RASAL2: variants seen among roughly 807,000 people sequenced by gnomAD.
RASAL2 encodes the protein ras GTPase-activating protein nGAP.
In RASAL2, 58 loss-of-function variants were observed where a neutral mutation model predicts 128.9. The ratio of observed to expected loss-of-function variants is 0.45; its 90% CI spans 0.36 to 0.56. The LOEUF (loss-of-function observed/expected upper bound fraction) is 0.56, where lower values mean the gene tolerates loss of function less well. RASAL2 is among the 20% of genes least tolerant of loss of function. The probability of loss-of-function intolerance (pLI) is 0.00; values close to 1 mark genes in which losing one functional copy is unlikely to be tolerated. For missense variants in RASAL2, 1,360 were observed against 1,601.6 expected, an observed-to-expected ratio of 0.85 and a Z score of 2.57; for synonymous variants, 561 against 580.8, an observed-to-expected ratio of 0.97 and a Z score of 0.49.
chr1:178,176,475 T>C (rs1661897031), intron 1 of RASAL2, among the ~76,000 whole-genome samples: 1 of 152,128 alleles, frequency 6.6e-6, no homozygotes, highest in Non-Finnish European at 1.5e-5. Flanking sequence ...GATGCATAGC[T>C]TGCAGATGTT....
At chr1:178,117,429 G>A (rs1038052713) in intron 1 of RASAL2, among the ~76,000 whole-genome samples, 1 of 152,178 alleles carries the variant, frequency 6.6e-6, no homozygotes, top group African/African-American at 2.4e-5. Context: ...ATTTATTTAT[G>A]TTTAAAATGT....
At chr1:178,123,715 C>T (rs570217428) in intron 1 of RASAL2, 1 of 152,060 alleles carries the variant, frequency 6.6e-6, no homozygotes, top group East Asian at 1.9e-4. Flanking sequence ...TTTCTGTCAC[C>T]CAGGCGGAAT....
In RASAL2 at chr1:178,265,767, T is replaced by C. The variant is rs182353642; in HGVS notation, c.203-17797T>C. On this transcript the variant is annotated intron_variant, in intron 1 of 17. Coordinates refer to ENST00000367649, the MANE Select transcript of RASAL2 (RefSeq NM_170692.4). Reference sequence around the variant, plus strand: ...TATTACCATCTCAGAAGCCCACTTATGTCCTGTCCCAGACACTTCACCTGC... The same window carrying C: ...TATTACCATCTCAGAAGCCCACTTACGTCCTGTCCCAGACACTTCACCTGC... Among the ~76,000 whole-genome samples, 70 of 152,348 alleles carry C rather than the reference T, an allele frequency of 4.6e-4. No individual in the cohort carries two copies. In the East Asian group the frequency reaches 0.013, roughly 27 times the overall value.
In RASAL2 at chr1:178,420,612, A is replaced by C; in HGVS notation, c.666A>C (p.Thr222=). Residue 222 remains threonine (T), a synonymous_variant, in exon 5 of 18, where the codon ACA becomes ACC. Transcript: ENST00000367649. ...TSFRLPSLRS[T]DDRSRGLPKL... is the part of the protein sequence containing the mutation. ...TTCGGCTTCCATCCCTTCGCAGTAC[A>C]GATGACAGGTAGGAAGTTAACTTTC... The C allele has an allele frequency of 6.2e-7, 1 of 1,601,484 alleles. No individual in the cohort carries two copies. The highest frequency in any genetic ancestry group is 1.1e-5 in the South Asian group (1 of 89,660).
At chr1:178,125,833 G>C (rs1044792273) in intron 1 of RASAL2, among the ~76,000 whole-genome samples, 2 of 152,148 alleles carry the variant, frequency 1.3e-5, no homozygotes, top group African/African-American at 4.8e-5. Context: ...AGATATTCTA[G>C]AATAGCAGAG....
intron 3 of RASAL2, among the ~76,000 whole-genome samples, chr1:178,387,523 C>T (rs1379605551): frequency 1.3e-5 from 2 of 151,940 alleles, no homozygotes; most frequent in African/African-American, 4.8e-5. Flanking sequence ...ATCCTTCCCC[C>T]CTCCCCCTAC....
chr1:178,115,572 G>C (rs936635654), intron 1 of RASAL2, among the ~76,000 whole-genome samples: 2 of 152,222 alleles, frequency 1.3e-5, no homozygotes, highest in Non-Finnish European at 2.9e-5. Flanking sequence ...CAGCATGGCA[G>C]CTTTGAGGAA....
At chr1:178,118,443 G>T (rs1011491000) in intron 1 of RASAL2, among the ~76,000 whole-genome samples, 1 of 152,110 alleles carries the variant, frequency 6.6e-6, no homozygotes, top group African/African-American at 2.4e-5. Context: ...TCTCATCTGG[G>T]GGTGATGGGA....
At chr1:178,389,365 C>A (rs1672762630) in intron 3 of RASAL2, 2 of 567,688 alleles carry the variant, frequency 3.5e-6, no homozygotes, top group Middle Eastern at 9.2e-4. Context: ...TATATATACA[C>A]ATGTATATAT....
chr1:178,447,399 C>T (rs1215478426), intron 9 of RASAL2, among the ~76,000 whole-genome samples: 3 of 151,796 alleles, frequency 2.0e-5, no homozygotes, highest in Admixed American at 6.6e-5. Context: ...GTAGGCTGGG[C>T]GCGGTGGCTC....
At chr1:178,109,162 C>G (rs1659204722) in intron 1 of RASAL2, among the ~76,000 whole-genome samples, 1 of 152,146 alleles carries the variant, frequency 6.6e-6, no homozygotes, top group Non-Finnish European at 1.5e-5. Context: ...ATTAGTAATT[C>G]TAGGAAAGAG....
At chr1:178,336,730 A>G (rs1669604404) in intron 3 of RASAL2, among the ~76,000 whole-genome samples, 1 of 152,108 alleles carries the variant, frequency 6.6e-6, no homozygotes, top group African/African-American at 2.4e-5. Context: ...GAGGAGGTCC[A>G]ATATTACAGG....
intron 3 of RASAL2, among the ~76,000 whole-genome samples, chr1:178,351,049 G>A (rs1245213556): frequency 6.6e-6 from 1 of 152,098 alleles, no homozygotes; most frequent in Non-Finnish European, 1.5e-5. Flanking sequence ...CAGGACTTGG[G>A]TGGGGGAGAT....
chr1:178,399,144 C>T (rs551718782), intron 4 of RASAL2, among the ~76,000 whole-genome samples: 2 of 152,300 alleles, frequency 1.3e-5, no homozygotes, highest in South Asian at 2.1e-4. Flanking sequence ...ATCTGTTGCC[C>T]ACTTCCCCAC....
At chr1:178,188,466 T>G (rs1042505663) in intron 1 of RASAL2, among the ~76,000 whole-genome samples, 1 of 152,146 alleles carries the variant, frequency 6.6e-6, no homozygotes, top group East Asian at 1.9e-4. Flanking sequence ...GTTTCATATA[T>G]TTTGTCTGGT....
chr1:178,250,713 A>C (rs1467931386), intron 1 of RASAL2, among the ~76,000 whole-genome samples: 2 of 151,726 alleles, frequency 1.3e-5, no homozygotes, highest in Non-Finnish European at 2.9e-5. Flanking sequence ...GATCCAGAAA[A>C]CCTTATTTCT....
chr1:178,098,177 C>G lies in RASAL2; in HGVS notation c.202+3483C>G, dbSNP rs181932810. ...TCTTTGTATTCTTATCTTGCCACCC[C>G]CTTCATTGTCAACTTGTCTGCCAGA... On this transcript the variant is annotated intron_variant, in intron 1 of 17. Coordinates refer to ENST00000367649, the MANE Select transcript of RASAL2 (RefSeq NM_170692.4). 2.2e-3 allele frequency among the ~76,000 whole-genome samples: 337 copies of G among 152,262 alleles called. 1 individual carries two copies. Among genetic ancestry groups the G allele is most frequent in the Non-Finnish European group, 3.7e-3 (253 of 68,030 alleles).
At chr1:178,270,848 T>C (rs1430627100) in intron 1 of RASAL2, among the ~76,000 whole-genome samples, 1 of 152,178 alleles carries the variant, frequency 6.6e-6, no homozygotes, top group African/African-American at 2.4e-5. Context: ...AGTTCTTTTC[T>C]CTTGGGATGG....
chr1:178,191,670 T>G (rs1662499236), intron 1 of RASAL2, among the ~76,000 whole-genome samples: 1 of 152,246 alleles, frequency 6.6e-6, no homozygotes, highest in African/African-American at 2.4e-5. Flanking sequence ...CCAAGCTGAC[T>G]TGGGTAATTC....
Sources: gnomAD v4.1 joint callset for allele counts (sites outside exome capture counted in the v4.1 genomes callset) on GRCh38, gnomAD v4.1.1 for gene constraint, MANE v1.5 for transcripts, NCBI Gene and HGNC (gene_info 2026-07-23, HGNC 2026-07-21) for gene names.